The following ZNF710 variants were observed in gnomAD, a reference collection of about 807,000 sequenced individuals.
ZNF710 encodes the protein zinc finger protein 710.
A neutral mutation model predicts 50.6 loss-of-function variants in ZNF710; 13 were observed. The observed-to-expected ratio is 0.26, with a 90% CI of 0.17 to 0.41. ZNF710 has a LOEUF of 0.41. Among genes scored for constraint, ZNF710 ranks in the 10% least tolerant of loss-of-function variants. The probability of loss-of-function intolerance (pLI) is 1.00; values close to 1 mark genes in which losing one functional copy is unlikely to be tolerated. For synonymous variants in ZNF710, 383 were observed against 397.0 expected (o/e 0.96, Z 0.42); for missense variants, 721 against 936.6 (o/e 0.77, Z 3.01).
At chr15:90,017,304 C>T (rs1898482293) in intron 1 of ZNF710, among the ~76,000 whole-genome samples, 1 of 152,164 alleles carries the variant, frequency 6.6e-6, no homozygotes, top group Non-Finnish European at 1.5e-5. Context: ...AGGGTATTGA[C>T]TGCTTCCTCC....
chr15:90,067,311 G>C lies in ZNF710; in HGVS notation c.174G>C (p.Glu58Asp). 1 of 1,608,952 alleles carries C rather than the reference G, an allele frequency of 6.2e-7. No individual in the cohort carries two copies. The highest frequency in any genetic ancestry group is 8.5e-7 in the Non-Finnish European group (1 of 1,177,936). The change falls in exon 2 of 5, where the codon GAG becomes GAC. Residue 58 changes from glutamate (E) to aspartate (D), a missense_variant. This residue lies in a region of ZNF710 where 326 missense variants were observed against 347.1 expected (regional missense o/e 0.94). Transcript: ENST00000268154. This position sits in a 1 kb window ranked among gnomAD's most constrained non-coding sequence, Gnocchi z 8.1. The stretch of plus-strand genomic sequence containing the variant: ...AGCTTTCAGGGGCAGCCATGGGAGA[G>C]CCCGAGCCACCAGGCCCCGACGTCT... The part of the protein sequence containing the change: ...GPELSGAAMG[E>D]PEPPGPDVYQ...
intron 1 of ZNF710, among the ~76,000 whole-genome samples, chr15:90,056,969 C>A (rs1899838550): frequency 6.6e-6 from 1 of 152,148 alleles, no homozygotes; most frequent in African/African-American, 2.4e-5. Flanking sequence ...ATCCAGAATC[C>A]CGGTGCCTTC....
At chr15:90,070,212 T>C (rs566102226) in intron 2 of ZNF710, among the ~76,000 whole-genome samples, 1 of 152,286 alleles carries the variant, frequency 6.6e-6, no homozygotes, top group South Asian at 2.1e-4. Flanking sequence ...AGAAAGAGTC[T>C]AGCCAGGCAT....
intron 1 of ZNF710, among the ~76,000 whole-genome samples, chr15:90,027,134 A>G (rs1567225323): frequency 1.3e-5 from 2 of 152,230 alleles, no homozygotes; most frequent in African/African-American, 4.8e-5. Flanking sequence ...TTATTTCCAA[A>G]GTTTAGAACC....
chr15:90,073,457 T>C (rs546818543), intron 3 of ZNF710, among the ~76,000 whole-genome samples, 195 bp downstream of exon 3: 1 of 152,016 alleles, frequency 6.6e-6, no homozygotes, highest in Admixed American at 6.5e-5. Context: ...GCTGCTGAAG[T>C]TGGGTTTTTC....
chr15:90,047,097 G>A (rs1899486654), intron 1 of ZNF710, among the ~76,000 whole-genome samples: 1 of 152,200 alleles, frequency 6.6e-6, no homozygotes. Flanking sequence ...GCCTAGAGAT[G>A]AAAGAGGTTC....
intron 1 of ZNF710, among the ~76,000 whole-genome samples, chr15:90,023,518 A>G (rs1467507086): frequency 6.6e-6 from 1 of 152,328 alleles, no homozygotes; most frequent in Admixed American, 6.5e-5. Context: ...CAAATTGAAC[A>G]TAAACACACT....
chr15:89,999,155 C>T (rs902998442), upstream of ZNF710, among the ~76,000 whole-genome samples: 1 of 152,218 alleles, frequency 6.6e-6, no homozygotes, highest in Non-Finnish European at 1.5e-5. Flanking sequence ...AATCTAGACA[C>T]GACCTCCTCC....
chr15:90,008,427 T>TGTGTATATATATACATATATATATAC lies in ZNF710; in HGVS notation c.-29+6813_-29+6814insGTGTATATATATACATATATATATAC, dbSNP rs1491372581. 3.0e-3 allele frequency among the ~76,000 whole-genome samples: 411 copies of TGTGTATATATATACATATATATATAC among 134,912 alleles called. 11 individuals are homozygous for TGTGTATATATATACATATATATATAC. Among genetic ancestry groups the TGTGTATATATATACATATATATATAC allele is most frequent in the African/African-American group, 0.013 (390 of 30,266 alleles). The allele number at this position is 134,912 out of a possible 152,430, so 88.5% of individuals were successfully genotyped here. A position where few individuals can be genotyped will look rare whatever the true frequency, so the allele number is the denominator to read the frequency against. On this transcript the variant is annotated intron_variant, in intron 1 of 4. Transcript: ENST00000268154. ...TAGTATACGTGTGTGTGTGTGTGTG[T>TGTGTATATATATACATATATATATAC]ATATATATATATACATATATATATA...
intron 1 of ZNF710, among the ~76,000 whole-genome samples, chr15:90,004,804 C>A (rs1898097832): frequency 1.3e-5 from 2 of 152,234 alleles, no homozygotes; most frequent in South Asian, 4.1e-4. Context: ...TGCGCTCACG[C>A]CGCACACGAG....
chr15:90,019,226 A>G (rs906871681), intron 1 of ZNF710, among the ~76,000 whole-genome samples: 1 of 120,268 alleles, frequency 8.3e-6, no homozygotes, highest in Non-Finnish European at 1.6e-5. Flanking sequence ...ACTTTACAAC[A>G]TGTGATTAAA....
chr15:90,036,658 C>T (rs138133049), intron 1 of ZNF710, among the ~76,000 whole-genome samples: 23 of 152,332 alleles, frequency 1.5e-4, no homozygotes, highest in African/African-American at 5.3e-4. Flanking sequence ...CCCATGCAGG[C>T]CTCGAGCTGG....
rs1360220369 is a variant in ZNF710 at position 90,054,901 on chromosome 15, AG to A, written c.-28-12207del. On this transcript the variant is annotated intron_variant, in intron 1 of 4. Transcript: ENST00000268154. ...ACTGGCCATAAAGCTCAGGGAAAAG[AG>A]GCGGGCAGGGTCTATCTGGCTGCTG... Among the ~76,000 whole-genome samples the A allele has an allele frequency of 2.6e-5, 4 of 152,300 alleles. No homozygotes were observed. In the East Asian group the frequency reaches 7.7e-4, roughly 29 times the overall value.
At chr15:90,030,288 C>A (rs1459839748) in intron 1 of ZNF710, among the ~76,000 whole-genome samples, 1 of 125,220 alleles carries the variant, frequency 8.0e-6, no homozygotes, top group Non-Finnish European at 1.6e-5. Context: ...AATATCACGC[C>A]ATTGCATTCC....
Position 90,040,338 on chromosome 15 carries a change from G to A in ZNF710, c.-28-26772G>A, listed in dbSNP as rs1899260102. On this transcript the variant is annotated intron_variant, in intron 1 of 4. Coordinates refer to ENST00000268154, the MANE Select transcript of ZNF710 (RefSeq NM_198526.4). This position sits in a 1 kb window ranked among gnomAD's most constrained non-coding sequence, Gnocchi z 4.6. ...CAGTCTCCAGGGAGGTGTCCTTAGT[G>A]CTCCGGATGGGGTTGTTAAAGCCAC... Among the ~76,000 whole-genome samples the A allele has an allele frequency of 1.3e-5, 2 of 152,204 alleles. No individual in the cohort carries two copies. The highest frequency in any genetic ancestry group is 2.9e-5 in the Non-Finnish European group (2 of 68,044).
chr15:90,022,008 G>A (rs914012058), intron 1 of ZNF710, among the ~76,000 whole-genome samples: 14 of 152,110 alleles, frequency 9.2e-5, no homozygotes, highest in African/African-American at 3.4e-4. Flanking sequence ...CTTGAACCAG[G>A]GAGGCAGAGG....
At chr15:90,045,580 T>A (rs755237783) in intron 1 of ZNF710, among the ~76,000 whole-genome samples, 6 of 151,830 alleles carry the variant, frequency 4.0e-5, no homozygotes, top group Non-Finnish European at 8.8e-5. Flanking sequence ...GCCTGTGAGC[T>A]CAGAGAGGGT....
At chr15:90,024,188 C>G (rs535157806) in intron 1 of ZNF710, among the ~76,000 whole-genome samples, 51 of 152,328 alleles carry the variant, frequency 3.3e-4, no homozygotes, top group African/African-American at 1.2e-3. Context: ...AGATGCTCCA[C>G]TGGGGCACTG....
At chr15:90,005,970 T>C (rs987877699) in intron 1 of ZNF710, among the ~76,000 whole-genome samples, 1 of 152,126 alleles carries the variant, frequency 6.6e-6, no homozygotes, top group Non-Finnish European at 1.5e-5. Flanking sequence ...AAACTTTGCC[T>C]CTCAGGAACG....
Sources: allele counts gnomAD v4.1 joint callset (sites outside exome capture counted in the v4.1 genomes callset), GRCh38; gene constraint gnomAD v4.1.1; regional missense constraint gnomAD v4.1.1; non-coding constraint Gnocchi (gnomAD v3.1); transcripts MANE v1.5; gene names NCBI Gene and HGNC (gene_info 2026-07-23, HGNC 2026-07-21).